GALNT2: variants seen among roughly 807,000 people sequenced by gnomAD.
The protein encoded by GALNT2 is polypeptide N-acetylgalactosaminyltransferase 2, also known as UDP-GalNAc:polypeptide N-acetylgalactosaminyltransferase 2.
In GALNT2, 31 loss-of-function variants were observed where a neutral mutation model predicts 81.4. The observed-to-expected ratio is 0.38, with a 90% CI of 0.29 to 0.51. The LOEUF is 0.51. GALNT2 is among the 20% of genes least tolerant of loss of function. The pLI is 0.87. For missense variants in GALNT2, 629 were observed against 765.7 expected (o/e 0.82, Z 2.11); for synonymous variants, 303 against 287.4 (o/e 1.05, Z -0.55).
rs1346726776 is a variant in GALNT2 at position 230,275,277 on chromosome 1, GTA to G, written c.1560+720_1560+721del. Among the ~76,000 whole-genome samples the G allele has an allele frequency of 6.8e-6, 1 of 148,060 alleles. No individual in the cohort carries two copies. Among genetic ancestry groups the G allele is most frequent in the Non-Finnish European group, 1.5e-5 (1 of 67,212 alleles). On this transcript the variant is annotated intron_variant, in intron 15 of 15. Coordinates refer to ENST00000366672, the MANE Select transcript of GALNT2 (RefSeq NM_004481.5). This position sits in a 1 kb window ranked among gnomAD's most constrained non-coding sequence, Gnocchi z 5.5. The stretch of plus-strand genomic sequence containing the variant: ...ACATATATACACACCACATGTATAC[GTA>G]TATATAGATGCCACATTTATACATA...
chr1:230,222,161 G>C (rs1664569806), intron 3 of GALNT2, among the ~76,000 whole-genome samples: 1 of 151,120 alleles, frequency 6.6e-6, no homozygotes, highest in Admixed American at 6.6e-5. Context: ...TGAGTAGCTG[G>C]GACTACAGGC....
At chr1:230,220,616 T>C (rs1483906241) in intron 3 of GALNT2, among the ~76,000 whole-genome samples, 1 of 152,138 alleles carries the variant, frequency 6.6e-6, no homozygotes, top group Admixed American at 6.5e-5. Flanking sequence ...TCTCGGTAGC[T>C]GCTTTTATGG....
At chr1:230,154,215 C>A (rs781683060) in intron 1 of GALNT2, among the ~76,000 whole-genome samples, 1 of 152,188 alleles carries the variant, frequency 6.6e-6, no homozygotes, top group Non-Finnish European at 1.5e-5. Flanking sequence ...TGCCGTCCAC[C>A]CTGCACTTGC....
intron 1 of GALNT2, among the ~76,000 whole-genome samples, chr1:230,131,043 G>T (rs528547880): frequency 2.6e-5 from 4 of 152,090 alleles, no homozygotes; most frequent in Admixed American, 2.0e-4. Context: ...TAGGCATCTC[G>T]CTAGCCTTGA....
At chr1:230,226,703 G>GCA (rs1664725192) in intron 3 of GALNT2, among the ~76,000 whole-genome samples, 1 of 152,230 alleles carries the variant, frequency 6.6e-6, no homozygotes, top group Non-Finnish European at 1.5e-5. Context: ...AGGGGAGCCA[G>GCA]TCATCGCACC....
chr1:230,193,925 C>T lies in GALNT2; in HGVS notation c.221-9212C>T, dbSNP rs559559664. 6.6e-6 allele frequency among the ~76,000 whole-genome samples: 1 copy of T among 152,288 alleles called. No homozygotes were observed. Among genetic ancestry groups the T allele is most frequent in the Admixed American group, 6.5e-5 (1 of 15,304 alleles). Reference sequence around the variant, plus strand: ...CCTTCCCGGGGCCTCAGTGCCTATGCTCAGCCTCCACTCCCAGGCACCATG... The same window carrying T: ...CCTTCCCGGGGCCTCAGTGCCTATGTTCAGCCTCCACTCCCAGGCACCATG... On this transcript the variant is annotated intron_variant, in intron 2 of 15. Transcript: ENST00000366672. This position sits in a 1 kb window ranked among gnomAD's most constrained non-coding sequence, Gnocchi z 4.3.
At chr1:230,220,866 T>C (rs1664525448) in intron 3 of GALNT2, among the ~76,000 whole-genome samples, 1 of 152,186 alleles carries the variant, frequency 6.6e-6, no homozygotes, top group Non-Finnish European at 1.5e-5. Flanking sequence ...TCTGAATTGG[T>C]CTGTGTTTCA....
At chr1:230,167,141 A>G (rs1457276804) in intron 1 of GALNT2, among the ~76,000 whole-genome samples, 2 of 134,382 alleles carry the variant, frequency 1.5e-5, no homozygotes, top group Admixed American at 1.5e-4. Flanking sequence ...CAAGTGTTTT[A>G]TTTTTTTGGT....
intron 1 of GALNT2, among the ~76,000 whole-genome samples, chr1:230,110,947 C>A (rs1291435597): frequency 6.6e-6 from 1 of 152,224 alleles, no homozygotes; most frequent in East Asian, 1.9e-4. Flanking sequence ...CATTGCCAGG[C>A]AGAAGCTGAT....
chr1:230,147,581 G>A (rs1004602922), intron 1 of GALNT2, among the ~76,000 whole-genome samples: 1 of 152,188 alleles, frequency 6.6e-6, no homozygotes, highest in Non-Finnish European at 1.5e-5. Flanking sequence ...TTTCTTCTCT[G>A]TTGTAAAATA....
chr1:230,100,158 T>G (rs1660359510), intron 1 of GALNT2, among the ~76,000 whole-genome samples: 1 of 152,198 alleles, frequency 6.6e-6, no homozygotes, highest in African/African-American at 2.4e-5. Flanking sequence ...TGACTCCAGG[T>G]AGCTTGCTTA....
chr1:230,247,185 T>G (rs1665399765), intron 8 of GALNT2, among the ~76,000 whole-genome samples: 1 of 151,980 alleles, frequency 6.6e-6, no homozygotes, highest in African/African-American at 2.4e-5. Context: ...TGAGCCACGA[T>G]CAACCCTGGG....
chr1:230,193,419 G>A lies in GALNT2; in HGVS notation c.221-9718G>A, dbSNP rs1332448321. Among the ~76,000 whole-genome samples, 1 of 152,172 alleles carries A rather than the reference G, an allele frequency of 6.6e-6. No homozygotes were observed. The highest frequency in any genetic ancestry group is 1.5e-5 in the Non-Finnish European group (1 of 68,038). The stretch of plus-strand genomic sequence containing the variant: ...TGCTGAAGGACAGTCGCAACTGAGA[G>A]TCCTCTAAAGACCGCATTTGTGCAT... On this transcript the variant is annotated intron_variant, in intron 2 of 15. Transcript: ENST00000366672. The surrounding 1 kb of genome is among the most constrained non-coding windows in gnomAD (Gnocchi z 4.3).
chr1:230,243,276 C>G lies in GALNT2; in HGVS notation c.608-30C>G. 6.3e-7 allele frequency: 1 copy of G among 1,580,540 alleles called. No individual in the cohort carries two copies. The highest frequency in any genetic ancestry group is 8.6e-7 in the Non-Finnish European group (1 of 1,165,876). Reference sequence around the variant, plus strand: ...TGTGCTGGCCCTGTGGCTTCTCTCTCCTGACGTGCTTTCCAACTCGCCTCT... The same window carrying G: ...TGTGCTGGCCCTGTGGCTTCTCTCTGCTGACGTGCTTTCCAACTCGCCTCT... On this transcript the variant is annotated intron_variant, in intron 6 of 15. Transcript: ENST00000366672. This position sits in a 1 kb window ranked among gnomAD's most constrained non-coding sequence, Gnocchi z 4.2.
chr1:230,184,410 C>T (rs2748117), intron 2 of GALNT2, among the ~76,000 whole-genome samples: 34,958 of 151,760 alleles, frequency 0.23, 4,882 homozygotes, highest in African/African-American at 0.39. Context: ...AGGATGGTCT[C>T]GATCTCCTGA....
rs561449367 is a variant in GALNT2, at chr1:230,148,451, C to T, written c.127-29767C>T. On this transcript the variant is annotated intron_variant, in intron 1 of 15. Transcript: ENST00000366672. ...AGGTCCCACAGCCCTGGAAAGCCCT[C>T]GTTTAACACAAGTGCTCTCTGTCCT... Among the ~76,000 whole-genome samples the T allele has an allele frequency of 5.3e-5, 8 of 152,344 alleles. No individual in the cohort carries two copies. The South Asian group carries it at 1.2e-3, about 24-fold the overall frequency.
In GALNT2 at chr1:230,236,131, T is replaced by C. The variant is rs572516068; in HGVS notation, c.473+19T>C. The C allele has an allele frequency of 2.5e-6, 4 of 1,609,610 alleles. No individual in the cohort carries two copies. The highest frequency in any genetic ancestry group is 4.5e-5 in the East Asian group (2 of 44,834). ...TGGTCAGGTGAGGCCAGGAGATGCA[T>C]TACCTGTCAGGGGTGTTAAGACATT... On this transcript the variant is annotated intron_variant, in intron 4 of 15. Transcript: ENST00000366672.
chr1:230,072,739 G>C (rs1186296506), intron 1 of GALNT2, among the ~76,000 whole-genome samples: 1 of 152,176 alleles, frequency 6.6e-6, no homozygotes, highest in East Asian at 1.9e-4. Context: ...GAGACCCCCT[G>C]AGTGCCCTCC....
At position 230,189,661 on chromosome 1, in the gene GALNT2, A is replaced by G. The variant is rs145499970; in HGVS notation, c.220+11350A>G. On this transcript the variant is annotated intron_variant, in intron 2 of 15. Transcript: ENST00000366672. ...TTTTTAATTGTGGTAAAAGATGCGTAACACTAAAGTTGCCATTTTAAGCGT... is the reference window on the plus strand; with the variant it reads ...TTTTTAATTGTGGTAAAAGATGCGTGACACTAAAGTTGCCATTTTAAGCGT... Among the ~76,000 whole-genome samples the G allele has an allele frequency of 6.6e-5, 10 of 152,328 alleles. No homozygotes were observed. In the East Asian group the frequency reaches 1.9e-3, roughly 29 times the overall value.
Sources: gnomAD v4.1 joint callset for allele counts (sites outside exome capture counted in the v4.1 genomes callset) on GRCh38, gnomAD v4.1.1 for gene constraint, Gnocchi (gnomAD v3.1) non-coding constraint, MANE v1.5 for transcripts, NCBI Gene and HGNC (gene_info 2026-07-23, HGNC 2026-07-21) for gene names.